The following OXR1 variants were observed in gnomAD, a reference collection of about 807,000 sequenced individuals.
OXR1 encodes the protein oxidation resistance 1.
Under a neutral mutation model 104.6 loss-of-function variants are expected in OXR1, and 41 were observed. The observed-to-expected ratio is 0.39, with a 90% CI of 0.31 to 0.51. OXR1 has a LOEUF of 0.51. Ranked by LOEUF, OXR1 falls within the 20% of genes least tolerant of loss-of-function variation. The pLI, the probability that OXR1 is intolerant of heterozygous loss-of-function variation, is 0.77. For synonymous variants in OXR1, 348 were observed against 348.4 expected, an observed-to-expected ratio of 1.00 and a Z score of 0.01; for missense variants, 955 against 1,031.9, an observed-to-expected ratio of 0.93 and a Z score of 1.02.
chr8:106,588,895 C>T (rs80244247), intron 3 of OXR1, among the ~76,000 whole-genome samples: 4,408 of 152,334 alleles, frequency 0.029, 226 homozygotes, highest in African/African-American at 0.1. Context: ...TAATCTTTCA[C>T]TGTCTGATGT....
intron 3 of OXR1, among the ~76,000 whole-genome samples, chr8:106,537,833 G>A (rs1208466287): frequency 1.3e-5 from 2 of 152,074 alleles, no homozygotes. Context: ...TCCCAAAAAA[G>A]AAGAATGGAT....
chr8:106,392,202 A>G (rs539944515), intron 2 of OXR1, among the ~76,000 whole-genome samples: 1 of 152,274 alleles, frequency 6.6e-6, no homozygotes, highest in South Asian at 2.1e-4. Context: ...CATTGCTTAG[A>G]AAGTTTCTTG....
At chr8:106,395,012 A>G (rs971916945) in intron 2 of OXR1, among the ~76,000 whole-genome samples, 2 of 150,434 alleles carry the variant, frequency 1.3e-5, no homozygotes, top group African/African-American at 2.5e-5. Flanking sequence ...AGTGGGGGGA[A>G]AAGTAATTGA....
At chr8:106,672,985 A>C (rs1339651143) in intron 3 of OXR1, among the ~76,000 whole-genome samples, 1 of 152,168 alleles carries the variant, frequency 6.6e-6, no homozygotes, top group Non-Finnish European at 1.5e-5. Context: ...TCTTTATAGC[A>C]GTGTGAGAAC....
chr8:106,674,455 G>C (rs1827360584), intron 3 of OXR1, among the ~76,000 whole-genome samples: 1 of 152,080 alleles, frequency 6.6e-6, no homozygotes, highest in Admixed American at 6.5e-5. Context: ...GATTTTACAG[G>C]CTTATAGGCA....
intron 2 of OXR1, among the ~76,000 whole-genome samples, chr8:106,381,328 C>T (rs956459090): frequency 7.9e-5 from 12 of 151,918 alleles, no homozygotes; most frequent in Non-Finnish European, 1.3e-4. Context: ...AGCTGGAATG[C>T]GATGAGTAGG....
intron 1 of OXR1, among the ~76,000 whole-genome samples, chr8:106,349,772 A>G (rs1432301209): frequency 6.6e-6 from 1 of 152,174 alleles, no homozygotes; most frequent in East Asian, 1.9e-4. Context: ...AAGGAAAGGG[A>G]TGGGTATAGC....
intron 2 of OXR1, among the ~76,000 whole-genome samples, chr8:106,395,631 C>T (rs1305363296): frequency 6.6e-6 from 1 of 152,086 alleles, no homozygotes; most frequent in Non-Finnish European, 1.5e-5. Context: ...GGGACACAGC[C>T]AAACCATATC....
chr8:106,663,379 G>A (rs984693289), intron 3 of OXR1, among the ~76,000 whole-genome samples: 5 of 152,180 alleles, frequency 3.3e-5, no homozygotes, highest in Non-Finnish European at 5.9e-5. Context: ...AGTTAAATTA[G>A]TTAAGATTGT....
intron 3 of OXR1, among the ~76,000 whole-genome samples, chr8:106,522,152 G>A (rs1314486790): frequency 6.6e-6 from 1 of 152,144 alleles, no homozygotes; most frequent in Non-Finnish European, 1.5e-5. Flanking sequence ...TTTAGTGGCT[G>A]CAGTGGCTTT....
At chr8:106,297,731 A>T (rs1452638104) in intron 1 of OXR1, among the ~76,000 whole-genome samples, 1 of 152,196 alleles carries the variant, frequency 6.6e-6, no homozygotes, top group African/African-American at 2.4e-5. Context: ...AGCTGTTTCC[A>T]AATAGTTTCT....
intron 2 of OXR1, among the ~76,000 whole-genome samples, chr8:106,499,444 C>T (rs1364856744): frequency 6.6e-6 from 1 of 152,084 alleles, no homozygotes; most frequent in Non-Finnish European, 1.5e-5. Flanking sequence ...CTTTGTATAG[C>T]TTGGTTTCTC....
At chr8:106,316,865 TA>T (rs1813986232) in intron 1 of OXR1, among the ~76,000 whole-genome samples, 1 of 151,996 alleles carries the variant, frequency 6.6e-6, no homozygotes, top group Non-Finnish European at 1.5e-5. Context: ...TTTATTTACT[TA>T]TTTATTTAAT....
In OXR1 at chr8:106,667,147, C is replaced by T. The variant is rs536870001; in HGVS notation, c.221-12063C>T. On this transcript the variant is annotated intron_variant, in intron 3 of 16. Coordinates refer to ENST00000517566, the MANE Select transcript of OXR1 (RefSeq NM_001198533.2). ...CAATGCAGGGTACACATTAGAATTC[C>T]CTGGGTAGCCATGAAAAAATTTTGA... Among the ~76,000 whole-genome samples, 5 of 152,114 alleles carry T rather than the reference C, an allele frequency of 3.3e-5. No individual in the cohort carries two copies. In the East Asian group the frequency reaches 5.8e-4, roughly 18 times the overall value.
chr8:106,699,331 C>G (rs1394660853), intron 7 of OXR1, among the ~76,000 whole-genome samples: 3 of 152,068 alleles, frequency 2.0e-5, no homozygotes, highest in African/African-American at 7.2e-5. Context: ...GGAAGGGAAC[C>G]CTTTGTAGAC....
chr8:106,621,665 G>A (rs1366930862), intron 3 of OXR1, among the ~76,000 whole-genome samples: 1 of 152,094 alleles, frequency 6.6e-6, no homozygotes, highest in Non-Finnish European at 1.5e-5. Context: ...TTTAGTATAT[G>A]TGTTACTTTT....
At chr8:106,561,543 C>G (rs570962999) in intron 3 of OXR1, among the ~76,000 whole-genome samples, 1 of 152,160 alleles carries the variant, frequency 6.6e-6, no homozygotes, top group African/African-American at 2.4e-5. Context: ...CGGCTGTGGG[C>G]GCAGCTTCAG....
chr8:106,366,095 A>G (rs1007829503), intron 2 of OXR1, among the ~76,000 whole-genome samples: 5 of 152,224 alleles, frequency 3.3e-5, no homozygotes, highest in Non-Finnish European at 7.4e-5. Context: ...TTGATTGATT[A>G]TCACCAGCTT....
chr8:106,396,190 G>A (rs915111548), intron 2 of OXR1, among the ~76,000 whole-genome samples: 4 of 152,104 alleles, frequency 2.6e-5, no homozygotes, highest in African/African-American at 9.7e-5. Context: ...ACCCCCTCCA[G>A]GAGGTGGAGC....
Sources: allele counts gnomAD v4.1 joint callset (sites outside exome capture counted in the v4.1 genomes callset), GRCh38; gene constraint gnomAD v4.1.1; transcripts MANE v1.5; gene names NCBI Gene and HGNC (gene_info 2026-07-23, HGNC 2026-07-21).